Variants in UNC79 observed in about 807,000 individuals in gnomAD.
UNC79 encodes the protein protein unc-79 homolog.
A neutral mutation model predicts 283.1 loss-of-function variants in UNC79; 37 were observed. The ratio of observed to expected loss-of-function variants is 0.13; its 90% CI spans 0.10 to 0.17. The LOEUF is 0.17. UNC79 is among the 10% of genes least tolerant of loss of function. The pLI, the probability that UNC79 is intolerant of heterozygous loss-of-function variation, is 1.00. For missense variants in UNC79, 2,272 were observed against 3,211.1 expected (o/e 0.71, Z 7.07); for synonymous variants, 1,107 against 1,200.2 (o/e 0.92, Z 1.61).
At chr14:93,411,274 G>T (rs988879411) in intron 1 of UNC79, among the ~76,000 whole-genome samples, 1 of 152,182 alleles carries the variant, frequency 6.6e-6, no homozygotes, top group Admixed American at 6.5e-5. Flanking sequence ...CATCTTAGCT[G>T]CAGTACAATA....
intron 7 of UNC79, among the ~76,000 whole-genome samples, chr14:93,500,170 G>A (rs974064364): frequency 3.3e-5 from 5 of 152,110 alleles, no homozygotes; most frequent in African/African-American, 9.7e-5. Flanking sequence ...ACCCATCCCC[G>A]TGGCCATTGC....
chr14:93,538,177 C>T (rs1156708997), exon 12 of UNC79: 15 of 1,612,062 alleles, frequency 9.3e-6, no homozygotes, highest in East Asian at 4.5e-5. Flanking sequence ...CGCGGGAATG[C>T]GGCGCTGAGG....
chr14:93,615,400 C>T (rs1365030647), intron 27 of UNC79, among the ~76,000 whole-genome samples: 1 of 151,926 alleles, frequency 6.6e-6, no homozygotes, highest in Non-Finnish European at 1.5e-5. Context: ...CCTCTAAGTC[C>T]ACATTATGCA....
intron 9 of UNC79, 109 bp downstream of exon 9, chr14:93,528,755 C>G (rs2060662130): frequency 9.7e-7 from 1 of 1,036,232 alleles, no homozygotes; most frequent in East Asian, 2.6e-5. Flanking sequence ...TCTAGCCTCT[C>G]TGATTTTTAA....
Position 93,411,004 on chromosome 14 carries a change from C to G in UNC79, c.-350-56667C>G, listed in dbSNP as rs145259111. Among the ~76,000 whole-genome samples, 404 of 152,196 alleles carry G rather than the reference C, an allele frequency of 2.7e-3. 1 individual carries two copies. Among genetic ancestry groups the G allele is most frequent in the African/African-American group, 9.2e-3 (382 of 41,530 alleles). ...AGGGGAATAGAGCACCAAGCAGGCT[C>G]TTGGGGTCCCCAGTTCAAGGTCTTG... On this transcript the variant is annotated intron_variant, in intron 1 of 49. Coordinates refer to the UNC79 transcript ENST00000256339.
intron 22 of UNC79, among the ~76,000 whole-genome samples, chr14:93,591,777 C>T (rs1010044586): frequency 6.6e-6 from 1 of 152,176 alleles, no homozygotes; most frequent in African/African-American, 2.4e-5. Flanking sequence ...TCATGGTTTA[C>T]GGTATTGCAC....
At chr14:93,706,623 T>C in intron 48 of UNC79, 81 bp from the exon 52 acceptor site, 1 of 1,546,728 alleles carries the variant, frequency 6.5e-7, no homozygotes, top group South Asian at 1.2e-5. Context: ...AAATTCTGCC[T>C]GCAAGAAGCC....
chr14:93,601,841 C>A (rs913800417), intron 25 of UNC79, among the ~76,000 whole-genome samples: 1 of 152,118 alleles, frequency 6.6e-6, no homozygotes, highest in Admixed American at 6.5e-5. Flanking sequence ...ATTTGCATTT[C>A]CCTGATAATT....
At chr14:93,667,102 C>T (rs996822124) in intron 40 of UNC79, among the ~76,000 whole-genome samples, 12 of 150,712 alleles carry the variant, frequency 8.0e-5, no homozygotes, top group Admixed American at 7.3e-4. Context: ...AAGACCCTTT[C>T]TTCTTCTTTG....
At chr14:93,505,441 T>A (rs1262667847) in intron 7 of UNC79, among the ~76,000 whole-genome samples, 1 of 152,140 alleles carries the variant, frequency 6.6e-6, no homozygotes, top group Non-Finnish European at 1.5e-5. Context: ...ACTTTTTGTG[T>A]TAAAATCTAC....
chr14:93,680,736 G>T (rs200778523), intron 41 of UNC79, among the ~76,000 whole-genome samples: 1 of 152,052 alleles, frequency 6.6e-6, no homozygotes, highest in East Asian at 1.9e-4. Flanking sequence ...TGGGTTACAG[G>T]CATGTGCCAC....
chr14:93,550,214 G>T (rs1161598470), intron 14 of UNC79, among the ~76,000 whole-genome samples: 1 of 152,130 alleles, frequency 6.6e-6, no homozygotes, highest in Non-Finnish European at 1.5e-5. Flanking sequence ...TTTCCATACA[G>T]CTAGTTTTCG....
chr14:93,374,635 C>G (rs1475471002), intron 1 of UNC79, among the ~76,000 whole-genome samples: 3 of 152,130 alleles, frequency 2.0e-5, no homozygotes, highest in African/African-American at 7.2e-5. Flanking sequence ...ACCTCCTGGG[C>G]TCAAGCGATC....
At chr14:93,656,671 T>C (rs2070971035) in intron 38 of UNC79, among the ~76,000 whole-genome samples, 1 of 151,628 alleles carries the variant, frequency 6.6e-6, no homozygotes, top group Admixed American at 6.6e-5. Context: ...AATAAACAAA[T>C]AGAAAGTATT....
At chr14:93,702,377 T>C (rs2075597151) in intron 47 of UNC79, among the ~76,000 whole-genome samples, 1 of 152,240 alleles carries the variant, frequency 6.6e-6, no homozygotes, top group Admixed American at 6.5e-5. Context: ...ACAGTATTCA[T>C]GTTAGAGACC....
chr14:93,539,134 C>A (rs2061244642), intron 12 of UNC79, among the ~76,000 whole-genome samples: 1 of 150,906 alleles, frequency 6.6e-6, no homozygotes, highest in African/African-American at 2.4e-5. Context: ...AACTCCTGAC[C>A]TCAGATGATC....
intron 14 of UNC79, among the ~76,000 whole-genome samples, chr14:93,559,240 C>T (rs545205445): frequency 7.9e-5 from 12 of 152,266 alleles, no homozygotes; most frequent in Admixed American, 3.9e-4. Context: ...TACAGGTTGG[C>T]GCTTGCCTTA....
chr14:93,672,485 G>A (rs891157655), intron 40 of UNC79, among the ~76,000 whole-genome samples: 1 of 152,170 alleles, frequency 6.6e-6, no homozygotes, highest in African/African-American at 2.4e-5. Context: ...GAGGTAGAGT[G>A]TGGAAGGATA....
intron 14 of UNC79, among the ~76,000 whole-genome samples, chr14:93,568,279 G>A (rs1290575871): frequency 6.6e-6 from 1 of 152,132 alleles, no homozygotes; most frequent in East Asian, 1.9e-4. Flanking sequence ...TCTACTGGGG[G>A]AGAGCTGAGC....
Sources: gnomAD v4.1 joint callset for allele counts (sites outside exome capture counted in the v4.1 genomes callset) on GRCh38, gnomAD v4.1.1 for gene constraint, MANE v1.5 for transcripts, NCBI Gene and HGNC (gene_info 2026-07-23, HGNC 2026-07-21) for gene names.